CHFR: variants seen among roughly 807,000 people sequenced by gnomAD.
The protein encoded by CHFR is E3 ubiquitin-protein ligase CHFR.
Under a neutral mutation model 87.6 loss-of-function variants are expected in CHFR, and 57 were observed. The observed-to-expected ratio is 0.65, with a 90% CI of 0.53 to 0.81. The LOEUF is 0.81. CHFR is among the 30% of genes least tolerant of loss of function. The pLI is 0.00. For synonymous variants in CHFR, 381 were observed against 359.2 expected, an observed-to-expected ratio of 1.06 and a Z score of -0.69; for missense variants, 797 against 865.8, an observed-to-expected ratio of 0.92 and a Z score of 1.00.
At chr12:132,857,286 G>C (rs576157654) in intron 9 of CHFR, 119 bp downstream of exon 9, 4 of 1,063,316 alleles carry the variant, frequency 3.8e-6, no homozygotes, top group Middle Eastern at 2.7e-4. Context: ...CCCGGGTGCT[G>C]GTGGAGGGAC....
At chr12:132,853,213 G>A (rs960356503) in intron 11 of CHFR, among the ~76,000 whole-genome samples, 1 of 152,146 alleles carries the variant, frequency 6.6e-6, no homozygotes, top group Non-Finnish European at 1.5e-5. Context: ...GTTCAGGAGG[G>A]GCTACGAATG....
chr12:132,872,588 CCTGA>C (rs898327669), intron 3 of CHFR, among the ~76,000 whole-genome samples, 194 bp from the exon 4 acceptor site: 90 of 152,206 alleles, frequency 5.9e-4, no homozygotes, highest in African/African-American at 2.0e-3. Flanking sequence ...CCCACTTCTC[CCTGA>C]CTGACAGCCT....
chr12:132,877,689 A>C lies in CHFR; in HGVS notation c.134-35T>G, dbSNP rs757009365. The C allele has an allele frequency of 1.0e-5, 15 of 1,445,636 alleles. No individual in the cohort carries two copies. The Admixed American group carries it at 2.3e-4, about 22-fold the overall frequency. 89.6% of individuals were successfully genotyped at this position (1,445,636 alleles called of 1,614,324 possible). A position where few individuals can be genotyped will look rare whatever the true frequency, so the allele number is the denominator to read the frequency against. ...AGAGGGTGGGTCAACACGGGATATG[A>C]TCGTGGTAACTGTGAACACTACTGC... On this transcript the variant is annotated intron_variant, in intron 2 of 17. Coordinates refer to ENST00000450056, the MANE Select transcript of CHFR (RefSeq NM_001161346.2).
rs555240013 is a variant in CHFR, at chr12:132,877,924, T to G, written c.134-270A>C. Among the ~76,000 whole-genome samples the G allele has an allele frequency of 5.3e-3, 804 of 152,170 alleles. 12 individuals carry two copies. The highest frequency in any genetic ancestry group is 0.018 in the African/African-American group (756 of 41,508). On this transcript the variant is annotated intron_variant, in intron 2 of 17. Transcript: ENST00000450056. ...TTCACACCATTCTCCTGCCTCAGCC[T>G]CCAGAGTAGCTGGGACTGCAGGCGC...
chr12:132,870,832 T>A (rs755399278), intron 4 of CHFR, 49 bp from the exon 5 acceptor site: 4 of 1,194,628 alleles, frequency 3.3e-6, no homozygotes, highest in Non-Finnish European at 5.0e-6. Context: ...CTGTGCAAAC[T>A]GAGAACTCAT....
At chr12:132,856,656 T>C (rs772945632) in intron 9 of CHFR, 26 bp from the exon 10 acceptor site, 3 of 1,610,864 alleles carry the variant, frequency 1.9e-6, no homozygotes, top group African/African-American at 1.3e-5. Context: ...CACAGCGCCA[T>C]TCACCGGCAG....
intron 9 of CHFR, among the ~76,000 whole-genome samples, chr12:132,856,854 G>A (rs1951082931): frequency 6.7e-6 from 1 of 148,184 alleles, no homozygotes; most frequent in South Asian, 2.2e-4. Flanking sequence ...GCCCTCACAT[G>A]CCTGGGTGCT....
At position 132,834,208 on chromosome 12, in the gene CHFR, G is replaced by A. The variant is rs1219622923; in HGVS notation, c.*7346C>T. 1 of 152,304 alleles carries A rather than the reference G, an allele frequency of 6.6e-6. No homozygotes were observed. Among genetic ancestry groups the A allele is most frequent in the African/African-American group, 2.4e-5 (1 of 41,432 alleles). 9.4% of individuals were successfully genotyped at this position (152,304 alleles called of 1,614,324 possible). ...GCTCTCTTTGACAACATGAATCTGG[G>A]ATGTTTGAACACCAAGTGGAGCCAT... On this transcript the variant is annotated 3_prime_UTR_variant, in exon 18 of 18. Coordinates refer to ENST00000450056, the MANE Select transcript of CHFR (RefSeq NM_001161346.2).
chr12:132,848,466 T>A, intron 13 of CHFR, 175 bp downstream of exon 13: 1 of 691,472 alleles, frequency 1.4e-6, no homozygotes, highest in Non-Finnish European at 2.5e-6. Context: ...GATTTTGAGC[T>A]AACACGAATT....
chr12:132,842,919 G>A (rs1950732608), intron 17 of CHFR, 92 bp downstream of exon 17: 1 of 1,051,418 alleles, frequency 9.5e-7, no homozygotes, highest in African/African-American at 1.6e-5. Flanking sequence ...CAACCTGAGA[G>A]AAGCATAATG....
chr12:132,847,996 G>A (rs926571914), intron 14 of CHFR, 89 bp downstream of exon 14: 17 of 1,600,992 alleles, frequency 1.1e-5, no homozygotes, highest in Non-Finnish European at 1.2e-5. Flanking sequence ...AGGTAAAACA[G>A]ATAAACACCA....
At position 132,887,178 on chromosome 12, in the gene CHFR, C is replaced by CCGGCCT. The variant is rs1221663157; in HGVS notation, c.133+12_133+17dup. The CCGGCCT allele has an allele frequency of 8.8e-6, 13 of 1,473,374 alleles. No homozygotes were observed. In the East Asian group the frequency reaches 2.4e-4, roughly 27 times the overall value. 91.3% of individuals were successfully genotyped at this position (1,473,374 alleles called of 1,614,324 possible). A position where few individuals can be genotyped will look rare whatever the true frequency, so the allele number is the denominator to read the frequency against. ...CTCTGCCCGGCCCCGGCCCCCGGCC[C>CCGGCCT]CGGCCTCAGCCCCGCACCTCGTCTC... On this transcript the variant is annotated intron_variant, in intron 2 of 17. Transcript: ENST00000450056.
In CHFR at chr12:132,861,552, G is replaced by C. The variant is rs1951209926; in HGVS notation, c.666C>G (p.Leu222=). The C allele has an allele frequency of 6.2e-7, 1 of 1,614,214 alleles. No homozygotes were observed. The highest frequency in any genetic ancestry group is 8.5e-7 in the Non-Finnish European group (1 of 1,180,042). ...SDEVSSFASA[L]PDRKTASFSS... ...AAAAGGACGCAGTCTTTCTGTCTGG[G>C]AGAGCTGAGGCAAAGCTGGAGACTT... Residue 222 remains leucine (L), a synonymous_variant, in exon 7 of 18, where the codon CTC becomes CTG. Transcript: ENST00000450056.
At chr12:132,857,778 AG>A (rs1951115671) in intron 8 of CHFR, among the ~76,000 whole-genome samples, 1 of 152,236 alleles carries the variant, frequency 6.6e-6, no homozygotes, top group South Asian at 2.1e-4. Flanking sequence ...TTATGACTTC[AG>A]GAACACAAAC....
At chr12:132,850,550 C>G (rs1593457073) in intron 12 of CHFR, among the ~76,000 whole-genome samples, 1 of 152,304 alleles carries the variant, frequency 6.6e-6, no homozygotes, top group East Asian at 1.9e-4. Flanking sequence ...AGGCAGCGAC[C>G]GCCCAGATCA....
At chr12:132,884,981 G>A (rs35297020) in intron 2 of CHFR, among the ~76,000 whole-genome samples, 41,365 of 151,760 alleles carry the variant, frequency 0.27, 5,913 homozygotes, top group Middle Eastern at 0.43. Context: ...CCAGCTACTC[G>A]GGAGGCTGAG....
rs963001005 is a variant in CHFR at position 132,841,341 on chromosome 12, A to C, written c.*213T>G. On this transcript the variant is annotated 3_prime_UTR_variant, in exon 18 of 18. Coordinates refer to ENST00000450056, the MANE Select transcript of CHFR (RefSeq NM_001161346.2). ...CCACCACGAGCCCTGCCCAGCGCTC[A>C]CCAGGAGGGCGGGCTGCGGCCCCCG... The C allele has an allele frequency of 1.2e-4, 69 of 562,590 alleles. No individual in the cohort carries two copies. In the South Asian group the frequency reaches 1.3e-3, roughly 11 times the overall value. The allele number at this position is 562,590 out of a possible 1,614,324, so 34.8% of individuals were successfully genotyped here.
At chr12:132,869,589 G>A in intron 6 of CHFR, 30 bp downstream of exon 6, 3 of 1,543,368 alleles carry the variant, frequency 1.9e-6, no homozygotes, top group South Asian at 1.2e-5. Flanking sequence ...CATGCAACCA[G>A]CACCAAGACC....
At position 132,872,192 on chromosome 12, in the gene CHFR, T is replaced by C. The variant is rs549085505; in HGVS notation, c.343+93A>G. On this transcript the variant is annotated intron_variant, in intron 4 of 17. Coordinates refer to ENST00000450056, the MANE Select transcript of CHFR (RefSeq NM_001161346.2). The stretch of plus-strand genomic sequence containing the variant: ...GGTGTAGCCAGGAGGAACGTTCCTA[T>C]GGGAAGGGATGTAGCCAGGAGGAAC... 539 of 766,738 alleles carry C rather than the reference T, an allele frequency of 7.0e-4. 7 individuals carry two copies. Among genetic ancestry groups the C allele is most frequent in the South Asian group, 4.5e-3 (300 of 66,738 alleles). The allele number at this position is 766,738 out of a possible 1,614,324, so 47.5% of individuals were successfully genotyped here.
Sources: allele counts gnomAD v4.1 joint callset (sites outside exome capture counted in the v4.1 genomes callset), GRCh38; gene constraint gnomAD v4.1.1; transcripts MANE v1.5; gene names NCBI Gene and HGNC (gene_info 2026-07-23, HGNC 2026-07-21).